The following GRM5 variants were observed in gnomAD, a reference collection of about 807,000 sequenced individuals.
GRM5 encodes metabotropic glutamate receptor 5.
GRM5 carries 19 observed loss-of-function variants against 83.1 expected under a neutral mutation model. That is an observed-to-expected ratio of 0.23 (90% CI 0.16 to 0.34). The LOEUF (loss-of-function observed/expected upper bound fraction) is 0.34. Ranked by LOEUF, GRM5 falls within the 10% of genes least tolerant of loss-of-function variation. GRM5 has a pLI of 1.00. For synonymous variants in GRM5, 675 were observed against 633.6 expected, an observed-to-expected ratio of 1.07 and a Z score of -0.98; for missense variants, 1,160 against 1,588.3, an observed-to-expected ratio of 0.73 and a Z score of 4.58.
intron 3 of GRM5, among the ~76,000 whole-genome samples, chr11:88,671,938 G>A (rs1024225423): frequency 2.0e-5 from 3 of 151,942 alleles, no homozygotes; most frequent in Admixed American, 6.6e-5. Flanking sequence ...ATTATAATGC[G>A]TTAAAATATT....
chr11:88,543,590 GA>G (rs138823034), intron 8 of GRM5, among the ~76,000 whole-genome samples: 3,389 of 137,010 alleles, frequency 0.025, 129 homozygotes, highest in African/African-American at 0.087. Context: ...CAGAGAAGAG[GA>G]AAAAAAAAAC....
chr11:88,562,507 T>G (rs16914244), intron 8 of GRM5, among the ~76,000 whole-genome samples: 20,317 of 152,076 alleles, frequency 0.13, 1,759 homozygotes, highest in African/African-American at 0.25. Context: ...AGACTAGTTA[T>G]ACATACAAAA....
chr11:89,049,745 T>A (rs1294234021), intron 1 of GRM5, among the ~76,000 whole-genome samples: 7 of 152,180 alleles, frequency 4.6e-5, no homozygotes, highest in African/African-American at 1.4e-4. Flanking sequence ...ACTAGACATT[T>A]GGGAATATAT....
Position 88,567,702 on chromosome 11 carries a change from C to T in GRM5, c.1981G>A (p.Ala661Thr). Residue 661 changes from alanine (A) to threonine (T), a missense_variant, in exon 8 of 10, where the codon GCC becomes ACC. Coordinates refer to ENST00000305447, the MANE Select transcript of GRM5 (RefSeq NM_001143831.3). This position sits in a 1 kb window ranked among gnomAD's most constrained non-coding sequence, Gnocchi z 7.3. ...ATACGGTTGGTCTTTGTTACAAGGG[C>T]TGAGTAGCTCATGGCTGGGGAGAGA... Reference protein sequence around the residue: ...IGLSPAMSYSALVTKTNRIAR... With the variant: ...IGLSPAMSYSTLVTKTNRIAR... 6.2e-7 allele frequency: 1 copy of T among 1,614,072 alleles called. No individual in the cohort carries two copies. Among genetic ancestry groups the T allele is most frequent in the Non-Finnish European group, 8.5e-7 (1 of 1,180,006 alleles).
chr11:88,637,437 T>C (rs1460960833), intron 4 of GRM5, among the ~76,000 whole-genome samples: 1 of 151,874 alleles, frequency 6.6e-6, no homozygotes, highest in Non-Finnish European at 1.5e-5. Flanking sequence ...GAATCTACAG[T>C]GAACTCAAAC....
chr11:88,787,131 A>ATGTGTGTGTG (rs57116541), intron 3 of GRM5, among the ~76,000 whole-genome samples: 35 of 143,442 alleles, frequency 2.4e-4, no homozygotes, highest in African/African-American at 7.0e-4. Context: ...ATATGATATG[A>ATGTGTGTGTG]TGTGTGTGTG....
At chr11:88,993,297 T>A (rs12270599) in intron 2 of GRM5, among the ~76,000 whole-genome samples, 63,060 of 145,582 alleles carry the variant, frequency 0.43, 15,240 homozygotes, top group South Asian at 0.65. Flanking sequence ...AAGTGTCCAG[T>A]TTCATTCTTT....
intron 3 of GRM5, among the ~76,000 whole-genome samples, chr11:88,817,134 G>A (rs978699819): frequency 6.6e-6 from 1 of 152,046 alleles, no homozygotes; most frequent in Admixed American, 6.6e-5. Flanking sequence ...ACTCCATGAA[G>A]AGAACAAAAT....
At chr11:88,596,705 CCTCTT>C (rs1937816360) in intron 6 of GRM5, among the ~76,000 whole-genome samples, 2 of 151,960 alleles carry the variant, frequency 1.3e-5, no homozygotes, top group African/African-American at 4.8e-5. Context: ...CTTATATAGT[CCTCTT>C]CTTTTCTTTC....
chr11:88,885,717 T>C (rs1371530647), intron 2 of GRM5, among the ~76,000 whole-genome samples: 1 of 151,930 alleles, frequency 6.6e-6, no homozygotes, highest in Non-Finnish European at 1.5e-5. Flanking sequence ...TAAAAAGAAA[T>C]CACTTAGGGA....
intron 2 of GRM5, chr11:88,925,788 A>G (rs1488575416): frequency 1.1e-5 from 5 of 451,852 alleles, no homozygotes; most frequent in Non-Finnish European, 1.8e-5. Flanking sequence ...ACATGCCTGT[A>G]ATCCTAGCTC....
intron 8 of GRM5, among the ~76,000 whole-genome samples, chr11:88,563,333 G>C (rs947202575): frequency 6.6e-6 from 1 of 152,134 alleles, no homozygotes; most frequent in African/African-American, 2.4e-5. Flanking sequence ...TTTTCCATCT[G>C]TGTACATACA....
intron 4 of GRM5, among the ~76,000 whole-genome samples, chr11:88,631,156 T>C (rs1377620109): frequency 2.6e-5 from 4 of 152,142 alleles, no homozygotes; most frequent in Admixed American, 2.6e-4. Context: ...ATATATAGCA[T>C]CTGACACTCA....
chr11:88,641,052 G>A (rs577727151), intron 4 of GRM5, among the ~76,000 whole-genome samples: 4 of 152,198 alleles, frequency 2.6e-5, no homozygotes, highest in South Asian at 4.2e-4. Context: ...TTGGCTCACC[G>A]TTCTGCAGGC....
intron 7 of GRM5, among the ~76,000 whole-genome samples, chr11:88,588,033 GA>G (rs1943354803): frequency 6.6e-6 from 1 of 152,106 alleles, no homozygotes; most frequent in Admixed American, 6.6e-5. Flanking sequence ...CATGAGCAAG[GA>G]AATAAAAAAG....
intron 2 of GRM5, among the ~76,000 whole-genome samples, chr11:89,006,778 T>G (rs1454764432): frequency 6.6e-6 from 1 of 152,146 alleles, no homozygotes; most frequent in Non-Finnish European, 1.5e-5. Context: ...TTTCAAATCT[T>G]TTTTGTTTTG....
At chr11:88,907,911 T>G (rs564793000) in intron 2 of GRM5, among the ~76,000 whole-genome samples, 15 of 152,292 alleles carry the variant, frequency 9.8e-5, no homozygotes, top group African/African-American at 3.6e-4. Flanking sequence ...TAAAAACAAT[T>G]TTTTCTGTCT....
At chr11:88,611,613 A>G (rs897780631) in intron 4 of GRM5, among the ~76,000 whole-genome samples, 2 of 152,050 alleles carry the variant, frequency 1.3e-5, no homozygotes, top group Non-Finnish European at 2.9e-5. Flanking sequence ...TTCTTTCTTT[A>G]TTAACCTAGC....
chr11:88,729,178 C>G (rs1257461368), intron 3 of GRM5, among the ~76,000 whole-genome samples: 1 of 152,152 alleles, frequency 6.6e-6, no homozygotes, highest in African/African-American at 2.4e-5. Flanking sequence ...TCAGCAAAAT[C>G]TCAGGATACA....
Sources: allele counts gnomAD v4.1 joint callset (sites outside exome capture counted in the v4.1 genomes callset), GRCh38; gene constraint gnomAD v4.1.1; non-coding constraint Gnocchi (gnomAD v3.1); transcripts MANE v1.5; gene names NCBI Gene and HGNC (gene_info 2026-07-23, HGNC 2026-07-21).